The following ZMAT1 variants were observed in gnomAD, a reference collection of about 807,000 sequenced individuals.
ZMAT1 encodes the protein zinc finger matrin-type 1.
Under a neutral mutation model 18.5 loss-of-function variants are expected in ZMAT1, and 11 were observed. The observed-to-expected ratio is 0.59, with a 90% CI of 0.37 to 0.98. The LOEUF (loss-of-function observed/expected upper bound fraction) is 0.98, where lower values mean the gene tolerates loss of function less well. Ranked by LOEUF, ZMAT1 falls within the 50% of genes least tolerant of loss-of-function variation. The pLI is 0.01. For missense variants in ZMAT1, 525 were observed against 496.2 expected (o/e 1.06, Z -0.55); for synonymous variants, 211 against 176.4 (o/e 1.20, Z -1.55).
chrX:101,892,002 T>A (rs958847498), intron 4 of ZMAT1, among the ~76,000 whole-genome samples: 3 of 111,583 alleles, frequency 2.7e-5, no homozygotes, highest in African/African-American at 9.8e-5. Flanking sequence ...TTGGTAGTAA[T>A]CCACATCTGA....
chrX:101,905,063 T>G (rs1396265109), intron 1 of ZMAT1, among the ~76,000 whole-genome samples: 1 of 112,286 alleles, frequency 8.9e-6, no homozygotes, highest in East Asian at 2.8e-4. Flanking sequence ...TGTCACAGGA[T>G]TCTCGTTAAG....
chrX:101,921,904 C>G (rs766559404), intron 1 of ZMAT1, among the ~76,000 whole-genome samples: 1 of 111,481 alleles, frequency 9.0e-6, no homozygotes, highest in Non-Finnish European at 1.9e-5. Context: ...ATACTGTTGA[C>G]TCATGCTCAG....
chrX:101,921,269 A>T (rs1027557173), intron 1 of ZMAT1, among the ~76,000 whole-genome samples: 1 of 111,849 alleles, frequency 8.9e-6, no homozygotes, highest in Non-Finnish European at 1.9e-5. Flanking sequence ...AATCTCTGAG[A>T]GCGGTTCCCA....
chrX:101,921,238 G>T (rs1044630070), intron 1 of ZMAT1, among the ~76,000 whole-genome samples: 1 of 111,291 alleles, frequency 9.0e-6, no homozygotes, highest in African/African-American at 3.3e-5. Flanking sequence ...CAGTGCCCAG[G>T]ATCCACTCCA....
At chrX:101,926,973 A>G (rs1930094423) in intron 1 of ZMAT1, among the ~76,000 whole-genome samples, 1 of 112,465 alleles carries the variant, frequency 8.9e-6, no homozygotes, top group Non-Finnish European at 1.9e-5. Context: ...ACAAAAATGG[A>G]GCAAACTTCA....
intron 2 of ZMAT1, among the ~76,000 whole-genome samples, 160 bp from the exon 3 acceptor site, chrX:101,898,380 A>G (rs750624236): frequency 8.9e-6 from 1 of 112,383 alleles, no homozygotes; most frequent in East Asian, 2.8e-4. Flanking sequence ...AGTTAAAATG[A>G]AAATAATGCT....
chrX:101,900,908 T>C (rs1191525760), intron 2 of ZMAT1, among the ~76,000 whole-genome samples: 2 of 111,682 alleles, frequency 1.8e-5, no homozygotes, highest in African/African-American at 6.5e-5. Context: ...ATTTGTAGAT[T>C]GCATTTTCAC....
chrX:101,911,746 T>C, intron 1 of ZMAT1: 2 of 1,209,065 alleles, frequency 1.7e-6, no homozygotes, highest in Admixed American at 2.2e-5. Flanking sequence ...AGAAACCCTA[T>C]GAATGTAACC....
At position 101,898,062 on chromosome X, in the gene ZMAT1, GT is replaced by G; in HGVS notation, c.502-21del. ...ATGCACCTGAAATAGGCACAATCTT[GT>G]TAGAAAGATTCAATAACTCAAAGTT... On this transcript the variant is annotated intron_variant, in intron 3 of 5. Transcript: ENST00000651725. 8.3e-7 allele frequency: 1 copy of G among 1,208,826 alleles called. No homozygotes were observed. Among genetic ancestry groups the G allele is most frequent in the Non-Finnish European group, 1.1e-6 (1 of 893,342 alleles).
intron 4 of ZMAT1, 138 bp from the exon 5 acceptor site, chrX:101,886,869 A>G (rs1175458158): frequency 1.1e-5 from 5 of 458,341 alleles, no homozygotes; most frequent in Non-Finnish European, 1.5e-5. Context: ...AGAGAGGTCA[A>G]ATGACTTGGT....
intron 4 of ZMAT1, chrX:101,888,923 T>A (rs1396223279): frequency 9.0e-6 from 1 of 111,606 alleles, no homozygotes; most frequent in Non-Finnish European, 1.9e-5. Context: ...ATTTAGTGCT[T>A]ATAAAGTATA....
intron 4 of ZMAT1, 83 bp downstream of exon 4, chrX:101,897,785 C>A: frequency 2.4e-6 from 2 of 846,166 alleles, no homozygotes; most frequent in Non-Finnish European, 3.3e-6. Context: ...AAAGTCTCCC[C>A]CACTAAAAAG....
intron 1 of ZMAT1, among the ~76,000 whole-genome samples, chrX:101,912,534 G>C (rs976933348): frequency 4.5e-5 from 5 of 111,748 alleles, no homozygotes; most frequent in Non-Finnish European, 3.8e-5. Context: ...ATTTTTGGGT[G>C]GGGGGGAAGT....
intron 4 of ZMAT1, 39 bp from the exon 5 acceptor site, chrX:101,886,770 A>T (rs777478352): frequency 7.3e-6 from 7 of 961,730 alleles, no homozygotes; most frequent in Non-Finnish European, 1.0e-5. Context: ...AGGTCAGTAT[A>T]AATACATTTA....
chrX:101,931,460 G>A, intron 1 of ZMAT1: 10 of 754,059 alleles, frequency 1.3e-5, no homozygotes, highest in Non-Finnish European at 1.6e-5. Flanking sequence ...CCTGCCTCAT[G>A]AGTACCTGCA....
intron 1 of ZMAT1, among the ~76,000 whole-genome samples, chrX:101,929,487 AGAGAG>A (rs1569444123): frequency 3.1e-5 from 3 of 98,081 alleles, no homozygotes; most frequent in Admixed American, 1.2e-4. Flanking sequence ...AGAGAGAGAG[AGAGAG>A]ACACACAAAT....
chrX:101,899,779 C>CT, intron 2 of ZMAT1, among the ~76,000 whole-genome samples: 1 of 112,231 alleles, frequency 8.9e-6, no homozygotes, highest in East Asian at 2.8e-4. Context: ...GTGCAAGCAT[C>CT]TTTTTTGAAT....
At chrX:101,919,301 A>C (rs1929565731) in intron 1 of ZMAT1, among the ~76,000 whole-genome samples, 1 of 111,486 alleles carries the variant, frequency 9.0e-6, no homozygotes, top group African/African-American at 3.3e-5. Context: ...ATATGTCAAA[A>C]ATGATAGATT....
chrX:101,893,844 A>C (rs1035595661), intron 4 of ZMAT1, among the ~76,000 whole-genome samples: 7 of 111,491 alleles, frequency 6.3e-5, no homozygotes, highest in African/African-American at 2.3e-4. Context: ...GCACAGACAC[A>C]AAAAACAGGG....
Sources: gnomAD v4.1 joint callset for allele counts (sites outside exome capture counted in the v4.1 genomes callset) on GRCh38, gnomAD v4.1.1 for gene constraint, MANE v1.5 for transcripts, NCBI Gene and HGNC (gene_info 2026-07-23, HGNC 2026-07-21) for gene names.